The following EMC3 variants were observed in gnomAD, a reference collection of about 807,000 sequenced individuals.
EMC3 encodes 30 kDa protein.
In EMC3, 13 loss-of-function variants were observed where a neutral mutation model predicts 36.6. The observed-to-expected ratio is 0.35, with a 90% confidence interval of 0.23 to 0.56. The LOEUF is 0.56. Ranked by LOEUF, EMC3 falls within the 20% of genes least tolerant of loss-of-function variation. EMC3 has a pLI of 0.84. For missense variants in EMC3, 220 were observed against 324.5 expected (o/e 0.68, Z 2.47); for synonymous variants, 120 against 111.9 (o/e 1.07, Z -0.46).
In EMC3 at chr3:9,962,721, G is replaced by C. The variant is rs918122576; in HGVS notation, c.*1348C>G. On this transcript the variant is annotated 3_prime_UTR_variant, in exon 8 of 8. Coordinates refer to ENST00000245046, the MANE Select transcript of EMC3 (RefSeq NM_001394674.1). The stretch of plus-strand genomic sequence containing the variant: ...ACGGTTTAATTTGTGGAGTCGAGTC[G>C]TTTGTTCTTAATTACTGCACTCAAC... 2.0e-5 allele frequency: 3 copies of C among 152,532 alleles called. No individual in the cohort carries two copies. The highest frequency in any genetic ancestry group is 2.0e-4 in the Admixed American group (3 of 15,262). The allele number at this position is 152,532 out of a possible 1,614,324, so 9.4% of individuals were successfully genotyped here. A position where few individuals can be genotyped will look rare whatever the true frequency, so the allele number is the denominator to read the frequency against.
At chr3:9,976,656 C>T (rs1304316990) in intron 3 of EMC3, among the ~76,000 whole-genome samples, 2 of 152,152 alleles carry the variant, frequency 1.3e-5, no homozygotes, top group Non-Finnish European at 2.9e-5. Context: ...TCCCTAGAAT[C>T]CTGGGTCCTG....
intron 1 of EMC3, among the ~76,000 whole-genome samples, chr3:9,993,815 A>G (rs897215210): frequency 1.4e-5 from 2 of 146,388 alleles, no homozygotes; most frequent in African/African-American, 5.1e-5. Flanking sequence ...ATTGAACCTT[A>G]TAGACCAACT....
chr3:9,990,575 T>G (rs13089863), upstream of EMC3, among the ~76,000 whole-genome samples: 25,349 of 151,768 alleles, frequency 0.17, 2,230 homozygotes, highest in South Asian at 0.25. Flanking sequence ...AGTGCCACAA[T>G]CTCGGTTCAC....
chr3:9,973,555 G>T, intron 5 of EMC3, 73 bp downstream of exon 5: 1 of 1,377,314 alleles, frequency 7.3e-7, no homozygotes, highest in Non-Finnish European at 1.0e-6. Flanking sequence ...AAACTCATGG[G>T]CTCAAGTGAT....
intron 1 of EMC3, chr3:10,003,329 G>A (rs1340159501): frequency 2.5e-6 from 1 of 402,136 alleles, no homozygotes; most frequent in Non-Finnish European, 5.0e-6. Flanking sequence ...CACTTCCATT[G>A]TATTAAAATG....
chr3:9,986,875 C>T (rs1191489774), upstream of EMC3: 2 of 1,361,392 alleles, frequency 1.5e-6, no homozygotes, highest in Admixed American at 3.1e-5. Flanking sequence ...TCGTGGCGCA[C>T]CTCAGTGGCG....
At chr3:9,980,106 C>T (rs947544912) in intron 1 of EMC3, among the ~76,000 whole-genome samples, 1 of 151,348 alleles carries the variant, frequency 6.6e-6, no homozygotes, top group Non-Finnish European at 1.5e-5. Context: ...CTCTGCCTCA[C>T]GAGTTCAAGC....
At chr3:9,999,244 C>CTT (rs60974972) in intron 1 of EMC3, among the ~76,000 whole-genome samples, 8 of 140,310 alleles carry the variant, frequency 5.7e-5, no homozygotes, top group Admixed American at 1.4e-4. Flanking sequence ...TCAAATTTAT[C>CTT]TTTTTTTTTT....
chr3:9,998,202 T>C (rs2086151513), intron 1 of EMC3, among the ~76,000 whole-genome samples: 3 of 151,572 alleles, frequency 2.0e-5, no homozygotes, highest in Non-Finnish European at 1.5e-5. Context: ...CCGTCTCTAC[T>C]AAAAATACAA....
At chr3:9,974,105 G>C (rs138357207) in intron 4 of EMC3, among the ~76,000 whole-genome samples, 17 of 152,264 alleles carry the variant, frequency 1.1e-4, no homozygotes, top group Non-Finnish European at 1.9e-4. Context: ...AGTCAAAATA[G>C]AAATACGCTT....
chr3:10,006,052 GC>G (rs2086258747), intron 1 of EMC3, among the ~76,000 whole-genome samples: 1 of 152,230 alleles, frequency 6.6e-6, no homozygotes, highest in Non-Finnish European at 1.5e-5. Context: ...TACAGAGGAA[GC>G]CAGATCGGGG....
intron 2 of EMC3, 35 bp from the exon 3 acceptor site, chr3:9,977,085 G>A: frequency 4.7e-6 from 7 of 1,473,896 alleles, no homozygotes; most frequent in Non-Finnish European, 5.6e-6. Flanking sequence ...TTAAGTCTAA[G>A]AACTATGACA....
chr3:9,988,712 G>A (rs1371646482), upstream of EMC3: 18 of 1,513,010 alleles, frequency 1.2e-5, 2 homozygotes, highest in Admixed American at 3.1e-4. Context: ...GTTTTTTCAG[G>A]CAATTGAAAA....
intron 1 of EMC3, among the ~76,000 whole-genome samples, chr3:9,982,900 GAAAA>G (rs1170798242): frequency 1.3e-5 from 2 of 148,540 alleles, no homozygotes; most frequent in East Asian, 2.0e-4. Context: ...AAAAAAAAAA[GAAAA>G]AAAAAGTTTT....
chr3:10,001,000 G>T, intron 1 of EMC3: 1 of 256,806 alleles, frequency 3.9e-6, no homozygotes, highest in Admixed American at 3.8e-5. Context: ...CTCCAAAGCC[G>T]GACAACCCAC....
chr3:9,969,500 C>A, intron 7 of EMC3: 1 of 1,429,438 alleles, frequency 7.0e-7, no homozygotes. Context: ...GATTAAATTC[C>A]AGTGAGCATT....
chr3:9,982,294 G>T (rs780007268), intron 1 of EMC3, among the ~76,000 whole-genome samples: 10 of 148,162 alleles, frequency 6.7e-5, no homozygotes, highest in Non-Finnish European at 1.3e-4. Context: ...TTGCTCTGCC[G>T]CCTAGGCTGG....
upstream of EMC3, among the ~76,000 whole-genome samples, chr3:9,987,531 G>A (rs1454096569): frequency 6.6e-6 from 1 of 152,206 alleles, no homozygotes; most frequent in Non-Finnish European, 1.5e-5. Context: ...GGGCTTCTCG[G>A]GAAGCCAAAT....
Position 9,973,571 on chromosome 3 carries a change from C to T in EMC3, c.494+57G>A, listed in dbSNP as rs566218352. ...AACTCATGGGCTCAAGTGATCCTCC[C>T]GCCTTGGCTTCCCAAAGTGTGGTTT... is the stretch of plus-strand genomic sequence containing the variant. On this transcript the variant is annotated intron_variant, in intron 5 of 7. Coordinates refer to ENST00000245046, the MANE Select transcript of EMC3 (RefSeq NM_001394674.1). The T allele has an allele frequency of 3.7e-5, 55 of 1,497,872 alleles. No homozygotes were observed. In the South Asian group the frequency reaches 5.3e-4, roughly 14 times the overall value. The allele number at this position is 1,497,872 out of a possible 1,614,324, so 92.8% of individuals were successfully genotyped here. A position where few individuals can be genotyped will look rare whatever the true frequency, so the allele number is the denominator to read the frequency against.
Sources: gnomAD v4.1 joint callset for allele counts (sites outside exome capture counted in the v4.1 genomes callset) on GRCh38, gnomAD v4.1.1 for gene constraint, MANE v1.5 for transcripts, NCBI Gene and HGNC (gene_info 2026-07-23, HGNC 2026-07-21) for gene names.